Variants in NUBPL observed in about 807,000 individuals in gnomAD.
NUBPL encodes iron-sulfur cluster transfer protein NUBPL.
Under a neutral mutation model 45.7 loss-of-function variants are expected in NUBPL, and 31 were observed. The ratio of observed to expected loss-of-function variants is 0.68; its 90% CI spans 0.51 to 0.92. NUBPL has a LOEUF of 0.92. Ranked by LOEUF, NUBPL falls within the 40% of genes least tolerant of loss-of-function variation. NUBPL has a pLI of 0.00. For missense variants in NUBPL, 401 were observed against 398.7 expected, an observed-to-expected ratio of 1.01 and a Z score of -0.05; for synonymous variants, 144 against 140.9, an observed-to-expected ratio of 1.02 and a Z score of -0.15.
At chr14:31,596,098 G>A (rs537551801) in intron 3 of NUBPL, among the ~76,000 whole-genome samples, 4 of 151,956 alleles carry the variant, frequency 2.6e-5, no homozygotes, top group Admixed American at 1.3e-4. Flanking sequence ...AGTAGAGACG[G>A]GGTTTCACCA....
chr14:31,681,604 C>A (rs1367937673), intron 6 of NUBPL, among the ~76,000 whole-genome samples: 1 of 151,398 alleles, frequency 6.6e-6, no homozygotes, highest in Non-Finnish European at 1.5e-5. Context: ...GCTAATATAC[C>A]CTTCTTTTTC....
chr14:31,725,418 A>G (rs2037898631), intron 6 of NUBPL, among the ~76,000 whole-genome samples: 1 of 152,194 alleles, frequency 6.6e-6, no homozygotes, highest in African/African-American at 2.4e-5. Context: ...GCGTACCAGA[A>G]GTGTTTTGGA....
chr14:31,776,045 G>A (rs1411050160), intron 6 of NUBPL, among the ~76,000 whole-genome samples: 1 of 152,100 alleles, frequency 6.6e-6, no homozygotes, highest in Admixed American at 6.6e-5. Flanking sequence ...GAAATTTATG[G>A]TAATTTCTTT....
chr14:31,608,551 C>CA (rs200951956), intron 4 of NUBPL, among the ~76,000 whole-genome samples: 119 of 147,046 alleles, frequency 8.1e-4, no homozygotes, highest in East Asian at 2.6e-3. Flanking sequence ...GAGACTGTCT[C>CA]AAAAAAAAAG....
intron 6 of NUBPL, among the ~76,000 whole-genome samples, chr14:31,709,337 A>T (rs2037519759): frequency 6.6e-6 from 1 of 152,180 alleles, no homozygotes; most frequent in Admixed American, 6.5e-5. Flanking sequence ...TGAATAATTC[A>T]TGTACTTTTT....
chr14:31,748,551 C>A (rs763966465), intron 6 of NUBPL, among the ~76,000 whole-genome samples: 2 of 151,952 alleles, frequency 1.3e-5, no homozygotes, highest in African/African-American at 4.8e-5. Context: ...TATGTAATGA[C>A]CTTTTTGGTC....
chr14:31,608,635 C>T (rs184797214), intron 4 of NUBPL, among the ~76,000 whole-genome samples: 8 of 152,182 alleles, frequency 5.3e-5, no homozygotes, highest in South Asian at 2.1e-4. Context: ...AAAACTCACT[C>T]GTAATAGTAA....
intron 7 of NUBPL, chr14:31,801,233 C>T (rs1234757118): frequency 1.3e-5 from 2 of 152,206 alleles, no homozygotes; most frequent in Non-Finnish European, 2.9e-5. Context: ...TCCTTTTGTC[C>T]CTCCTGATAG....
At chr14:31,663,978 T>C (rs8012682) in intron 4 of NUBPL, among the ~76,000 whole-genome samples, 13,358 of 152,214 alleles carry the variant, frequency 0.088, 736 homozygotes, top group African/African-American at 0.15. Context: ...TATTCCTGGG[T>C]ATTTTATGTT....
At chr14:31,634,309 A>T (rs1029058311) in intron 4 of NUBPL, among the ~76,000 whole-genome samples, 8 of 138,220 alleles carry the variant, frequency 5.8e-5, no homozygotes, top group Non-Finnish European at 1.1e-4. Flanking sequence ...TCATTGTTCA[A>T]TTCCCACCTA....
At chr14:31,768,389 C>T (rs755733178) in intron 6 of NUBPL, among the ~76,000 whole-genome samples, 12 of 152,214 alleles carry the variant, frequency 7.9e-5, no homozygotes, top group Non-Finnish European at 1.6e-4. Flanking sequence ...AGCTTCTGCA[C>T]ATCAGTAAGC....
intron 6 of NUBPL, among the ~76,000 whole-genome samples, chr14:31,727,652 A>G (rs993204354): frequency 3.3e-5 from 5 of 152,248 alleles, no homozygotes. Context: ...TGCTAGGCAC[A>G]TTAGAAATAA....
intron 6 of NUBPL, among the ~76,000 whole-genome samples, chr14:31,725,833 C>A (rs1240072665): frequency 1.3e-5 from 2 of 150,552 alleles, no homozygotes; most frequent in Non-Finnish European, 3.0e-5. Flanking sequence ...CCTCAGCCTC[C>A]CAAGTAGCTG....
chr14:31,669,236 G>A (rs533345073), intron 4 of NUBPL, among the ~76,000 whole-genome samples: 8 of 152,046 alleles, frequency 5.3e-5, no homozygotes, highest in Non-Finnish European at 1.2e-4. Flanking sequence ...TATATGTATT[G>A]CATTGTATCA....
At chr14:31,824,583 AT>A (rs2040068300) in intron 7 of NUBPL, among the ~76,000 whole-genome samples, 1 of 152,198 alleles carries the variant, frequency 6.6e-6, no homozygotes, top group Non-Finnish European at 1.5e-5. Flanking sequence ...TGCAAGATGA[AT>A]TTACAGCTAA....
chr14:31,719,013 A>G (rs1199879900), intron 6 of NUBPL, among the ~76,000 whole-genome samples: 4 of 152,226 alleles, frequency 2.6e-5, no homozygotes, highest in Non-Finnish European at 5.9e-5. Context: ...TGCATTTAAT[A>G]CACCTAACCT....
At chr14:31,649,590 A>G (rs2035946401) in intron 4 of NUBPL, among the ~76,000 whole-genome samples, 1 of 152,256 alleles carries the variant, frequency 6.6e-6, no homozygotes, top group Non-Finnish European at 1.5e-5. Context: ...CAAAAAGTTT[A>G]AAAACATACA....
At chr14:31,728,089 G>A (rs2037966281) in intron 6 of NUBPL, among the ~76,000 whole-genome samples, 1 of 152,068 alleles carries the variant, frequency 6.6e-6, no homozygotes, top group African/African-American at 2.4e-5. Flanking sequence ...TATAGAAGCT[G>A]TCAACTGAAA....
At chr14:31,597,369 G>A (rs1293692809) in intron 3 of NUBPL, among the ~76,000 whole-genome samples, 3 of 152,152 alleles carry the variant, frequency 2.0e-5, no homozygotes, top group Admixed American at 6.6e-5. Context: ...CGTAGCAAAT[G>A]TTAGGAGAGA....
Sources: gnomAD v4.1 joint callset for allele counts (sites outside exome capture counted in the v4.1 genomes callset) on GRCh38, gnomAD v4.1.1 for gene constraint, MANE v1.5 for transcripts, NCBI Gene and HGNC (gene_info 2026-07-23, HGNC 2026-07-21) for gene names.